Variants in EHMT1 observed in about 807,000 individuals in gnomAD.
EHMT1 encodes histone-lysine N-methyltransferase EHMT1.
In EHMT1, 15 loss-of-function variants were observed where a neutral mutation model predicts 147.2. The observed-to-expected ratio is 0.10, with a 90% CI of 0.07 to 0.16. The LOEUF is 0.16. Ranked by LOEUF, EHMT1 falls within the 10% of genes least tolerant of loss-of-function variation. EHMT1 has a pLI of 1.00. For missense variants in EHMT1, 1,587 were observed against 1,772.4 expected, an observed-to-expected ratio of 0.90 and a Z score of 1.88; for synonymous variants, 795 against 709.6, an observed-to-expected ratio of 1.12 and a Z score of -1.91.
At chr9:137,722,068 G>T (rs898701688) in intron 3 of EHMT1, among the ~76,000 whole-genome samples, 2 of 151,914 alleles carry the variant, frequency 1.3e-5, no homozygotes, top group African/African-American at 2.4e-5. Flanking sequence ...TTGGGCTGAG[G>T]TTGAATTTAT....
At chr9:137,756,821 T>C (rs1949412112) in intron 8 of EHMT1, among the ~76,000 whole-genome samples, 1 of 152,244 alleles carries the variant, frequency 6.6e-6, no homozygotes, top group African/African-American at 2.4e-5. Context: ...CTTCTTTTCG[T>C]TTAAAACTAT....
At chr9:137,809,486 G>T (rs1324880406) in intron 18 of EHMT1, among the ~76,000 whole-genome samples, 1 of 152,220 alleles carries the variant, frequency 6.6e-6, no homozygotes, top group African/African-American at 2.4e-5. Flanking sequence ...CCGCACCCCT[G>T]CAGGGGTCTG....
chr9:137,771,333 G>A (rs1224486674), intron 10 of EHMT1, among the ~76,000 whole-genome samples: 1 of 151,412 alleles, frequency 6.6e-6, no homozygotes, highest in Non-Finnish European at 1.5e-5. Flanking sequence ...CCAAGTCACT[G>A]GGATTACAGG....
chr9:137,787,549 A>G lies in EHMT1; in HGVS notation c.2383-3299A>G, dbSNP rs561655860. 1.6e-5 allele frequency: 7 copies of G among 424,902 alleles called. No homozygotes were observed. Among genetic ancestry groups the G allele is most frequent in the African/African-American group, 1.4e-4 (7 of 49,462 alleles). The allele number at this position is 424,902 out of a possible 1,614,324, so 26.3% of individuals were successfully genotyped here. A position where few individuals can be genotyped will look rare whatever the true frequency, so the allele number is the denominator to read the frequency against. Reference sequence around the variant, plus strand: ...TAGTAAACACCATGGACTCCCAGCAAGGCTGCTGCCTGGTGTTTCGAGGCT... The same window carrying G: ...TAGTAAACACCATGGACTCCCAGCAGGGCTGCTGCCTGGTGTTTCGAGGCT... On this transcript the variant is annotated intron_variant, in intron 15 of 26. Transcript: ENST00000460843. This position sits in a 1 kb window ranked among gnomAD's most constrained non-coding sequence, Gnocchi z 4.2.
chr9:137,636,190 G>C (rs1844060666), intron 1 of EHMT1, among the ~76,000 whole-genome samples: 1 of 152,104 alleles, frequency 6.6e-6, no homozygotes, highest in Admixed American at 6.5e-5. Flanking sequence ...AGAGTGCTGG[G>C]ATTATAGGCG....
At chr9:137,648,607 C>CTT (rs1174726290) in intron 1 of EHMT1, among the ~76,000 whole-genome samples, 2 of 151,984 alleles carry the variant, frequency 1.3e-5, no homozygotes, top group African/African-American at 2.4e-5. Context: ...ACTGTGATCA[C>CTT]AACACTGCAC....
chr9:137,697,835 C>G (rs1013299762), intron 1 of EHMT1, among the ~76,000 whole-genome samples: 2 of 152,214 alleles, frequency 1.3e-5, no homozygotes, highest in South Asian at 2.1e-4. Flanking sequence ...GTTTTCCGTT[C>G]AGATGATTCT....
At chr9:137,767,687 C>T (rs942726511) in intron 10 of EHMT1, among the ~76,000 whole-genome samples, 2 of 152,102 alleles carry the variant, frequency 1.3e-5, no homozygotes, top group African/African-American at 4.8e-5. Context: ...GTGGCGGGAG[C>T]TTGTAATCCG....
At chr9:137,816,279 TGA>T (rs1374440762) in intron 23 of EHMT1, 1 of 610,494 alleles carries the variant, frequency 1.6e-6, no homozygotes, top group Non-Finnish European at 3.0e-6. Context: ...GACTTCGGCA[TGA>T]GAGAAGGAGC....
chr9:137,797,955 C>T (rs967435368), intron 16 of EHMT1, among the ~76,000 whole-genome samples: 2 of 152,202 alleles, frequency 1.3e-5, no homozygotes, highest in Non-Finnish European at 2.9e-5. Context: ...GCACCGGCTC[C>T]CCTGCCTCTT....
chr9:137,669,528 CG>C (rs1331693596), intron 1 of EHMT1, among the ~76,000 whole-genome samples: 2 of 130,734 alleles, frequency 1.5e-5, no homozygotes, highest in East Asian at 2.4e-4. Context: ...CACGTGCACT[CG>C]ACTCCTCCCA....
intron 1 of EHMT1, among the ~76,000 whole-genome samples, chr9:137,705,500 C>G (rs1175149735): frequency 6.6e-6 from 1 of 152,228 alleles, no homozygotes; most frequent in Non-Finnish European, 1.5e-5. Context: ...ATGCTTTGCA[C>G]ACACTGGTTT....
intron 1 of EHMT1, among the ~76,000 whole-genome samples, chr9:137,684,152 C>T (rs761186114): frequency 2.0e-5 from 3 of 152,028 alleles, no homozygotes; most frequent in Non-Finnish European, 4.4e-5. Flanking sequence ...TCTCCCACTT[C>T]AGCCTCTTGA....
intron 1 of EHMT1, among the ~76,000 whole-genome samples, chr9:137,702,956 C>A (rs1438053660): frequency 6.6e-6 from 1 of 152,228 alleles, no homozygotes. Context: ...ATCCATACAT[C>A]CTGTGAAATC....
In EHMT1 at chr9:137,667,937, A is replaced by C. The variant is rs577151926; in HGVS notation, c.22-43030A>C. ...CAAATTATCTTTACCTTCAGGGTAA[A>C]TTACCTTTTAGAATTGTGGCAGATG... is the stretch of plus-strand genomic sequence containing the variant. On this transcript the variant is annotated intron_variant, in intron 1 of 26. Coordinates refer to ENST00000460843, the MANE Select transcript of EHMT1 (RefSeq NM_024757.5). Among the ~76,000 whole-genome samples the C allele has an allele frequency of 1.1e-4, 17 of 152,266 alleles. No individual in the cohort carries two copies. In the East Asian group the frequency reaches 3.3e-3, roughly 29 times the overall value.
chr9:137,766,831 T>G (rs1334047075), intron 10 of EHMT1, among the ~76,000 whole-genome samples: 9 of 152,114 alleles, frequency 5.9e-5, no homozygotes, highest in Non-Finnish European at 8.8e-5. Context: ...AAATTTTGCT[T>G]TATTTTATTT....
chr9:137,776,592 A>G lies in EHMT1; in HGVS notation c.1792-26A>G. The G allele has an allele frequency of 6.2e-7, 1 of 1,603,196 alleles. No homozygotes were observed. The highest frequency in any genetic ancestry group is 8.5e-7 in the Non-Finnish European group (1 of 1,171,508). On this transcript the variant is annotated intron_variant, in intron 11 of 26. Transcript: ENST00000460843. The surrounding 1 kb of genome is among the most constrained non-coding windows in gnomAD (Gnocchi z 4.4). ...AATATTAACCCCAATTAAAACAAAA[A>G]TTTTTTTTTGTCCTCCCATTTTTAG...
chr9:137,787,691 C>T lies in EHMT1; in HGVS notation c.2383-3157C>T, dbSNP rs1249351656. ...CACAGGCTGCACCGGGAGAGCAGCC[C>T]GCCTGGGCCAGGGGCCGCCAGGTCC... On this transcript the variant is annotated intron_variant, in intron 15 of 26. Coordinates refer to ENST00000460843, the MANE Select transcript of EHMT1 (RefSeq NM_024757.5). This position sits in a 1 kb window ranked among gnomAD's most constrained non-coding sequence, Gnocchi z 4.2. 2.1e-5 allele frequency: 14 copies of T among 671,876 alleles called. No homozygotes were observed. Among genetic ancestry groups the T allele is most frequent in the East Asian group, 1.0e-4 (4 of 38,456 alleles). The allele number at this position is 671,876 out of a possible 1,614,324, so 41.6% of individuals were successfully genotyped here. A position where few individuals can be genotyped will look rare whatever the true frequency, so the allele number is the denominator to read the frequency against.
chr9:137,680,054 A>ATC (rs1941790223), intron 1 of EHMT1, among the ~76,000 whole-genome samples: 1 of 151,954 alleles, frequency 6.6e-6, no homozygotes, highest in Admixed American at 6.6e-5. Flanking sequence ...TTGTATCTGT[A>ATC]TCTTGTATTG....
Sources: gnomAD v4.1 joint callset for allele counts (sites outside exome capture counted in the v4.1 genomes callset) on GRCh38, gnomAD v4.1.1 for gene constraint, Gnocchi (gnomAD v3.1) non-coding constraint, MANE v1.5 for transcripts, NCBI Gene and HGNC (gene_info 2026-07-23, HGNC 2026-07-21) for gene names.